The following RSU1 variants were observed in gnomAD, a reference collection of about 807,000 sequenced individuals.
The protein encoded by RSU1 is rsu-1.
In RSU1, 26 loss-of-function variants were observed where a neutral mutation model predicts 31.1. The observed-to-expected ratio is 0.84, with a 90% CI of 0.61 to 1.16. The LOEUF (loss-of-function observed/expected upper bound fraction) is 1.16, where lower values mean the gene tolerates loss of function less well. RSU1 is among the 50% of genes most tolerant of loss of function. The pLI is 0.00. For missense variants in RSU1, 320 were observed against 339.1 expected (o/e 0.94, Z 0.44); for synonymous variants, 164 against 136.3 (o/e 1.20, Z -1.41).
intron 8 of RSU1, among the ~76,000 whole-genome samples, chr10:16,664,942 T>C (rs901113627): frequency 3.9e-5 from 6 of 152,194 alleles, no homozygotes; most frequent in Non-Finnish European, 8.8e-5. Flanking sequence ...TTCTTTTTTC[T>C]TTCTTTCTTC....
rs190907963 is a variant in RSU1 at position 16,596,869 on chromosome 10, T to C, written c.732-3373A>G. ...TCCCAAGTAGCTGGAATTACAAGTG[T>C]GTACCACCATGCCTGCCTAATTTTT... is the stretch of plus-strand genomic sequence containing the variant. On this transcript the variant is annotated intron_variant, in intron 8 of 8. Coordinates refer to ENST00000345264, the MANE Select transcript of RSU1 (RefSeq NM_012425.4). Among the ~76,000 whole-genome samples the C allele has an allele frequency of 2.7e-3, 407 of 152,266 alleles. 1 individual carries two copies. The highest frequency in any genetic ancestry group is 4.6e-3 in the Non-Finnish European group (314 of 68,008).
intron 7 of RSU1, among the ~76,000 whole-genome samples, chr10:16,743,264 G>A (rs1039462405): frequency 4.6e-5 from 7 of 152,134 alleles, no homozygotes; most frequent in African/African-American, 1.7e-4. Flanking sequence ...ACATTGATGG[G>A]TATACCATTG....
At chr10:16,685,862 T>C (rs530931567) in intron 8 of RSU1, among the ~76,000 whole-genome samples, 2 of 151,554 alleles carry the variant, frequency 1.3e-5, no homozygotes, top group South Asian at 4.2e-4. Flanking sequence ...AAGTGGAAAA[T>C]AATATTTTAT....
intron 7 of RSU1, chr10:16,726,948 T>G: frequency 1.9e-5 from 8 of 414,472 alleles, no homozygotes; most frequent in South Asian, 1.4e-4. Flanking sequence ...ATAAACAAGA[T>G]GACAGATTCT....
chr10:16,798,127 G>T (rs1041055323), intron 2 of RSU1, among the ~76,000 whole-genome samples: 2 of 151,976 alleles, frequency 1.3e-5, no homozygotes, highest in Admixed American at 1.3e-4. Flanking sequence ...CTCCCAAAGT[G>T]CTGGGATTAT....
At chr10:16,649,463 A>G (rs1038691787) in intron 8 of RSU1, among the ~76,000 whole-genome samples, 4 of 152,238 alleles carry the variant, frequency 2.6e-5, no homozygotes, top group Non-Finnish European at 5.9e-5. Flanking sequence ...ACTCGAAATC[A>G]GACTACTAAA....
intron 2 of RSU1, among the ~76,000 whole-genome samples, chr10:16,808,001 T>A (rs1314922781): frequency 3.6e-5 from 5 of 138,234 alleles, no homozygotes; most frequent in Non-Finnish European, 6.1e-5. Context: ...CCAGCCTGGG[T>A]GACACAGCAA....
At chr10:16,725,212 T>C (rs1462634020) in intron 7 of RSU1, among the ~76,000 whole-genome samples, 4 of 152,108 alleles carry the variant, frequency 2.6e-5, no homozygotes, top group African/African-American at 9.7e-5. Flanking sequence ...AGAGAGAGAA[T>C]ATGAATAAAT....
intron 7 of RSU1, among the ~76,000 whole-genome samples, chr10:16,704,847 T>A (rs2131574749): frequency 6.6e-6 from 1 of 152,342 alleles, no homozygotes; most frequent in African/African-American, 2.4e-5. Flanking sequence ...TTTCCCCCAC[T>A]TTTTATTTGC....
At chr10:16,622,313 T>A (rs2131480514) in intron 8 of RSU1, among the ~76,000 whole-genome samples, 1 of 152,286 alleles carries the variant, frequency 6.6e-6, no homozygotes, top group South Asian at 2.1e-4. Context: ...AAAGCATAGA[T>A]CCACCATTTC....
intron 8 of RSU1, among the ~76,000 whole-genome samples, chr10:16,680,581 C>A (rs889532745): frequency 6.6e-6 from 1 of 152,020 alleles, no homozygotes; most frequent in African/African-American, 2.4e-5. Flanking sequence ...GGGGTGCAGG[C>A]ATGTCACGTG....
chr10:16,791,360 G>A (rs995837179), intron 2 of RSU1, among the ~76,000 whole-genome samples: 1 of 152,158 alleles, frequency 6.6e-6, no homozygotes, highest in Non-Finnish European at 1.5e-5. Flanking sequence ...CTGGGCAGGT[G>A]TGGTGGCTCA....
At chr10:16,802,301 A>G (rs1240965630) in intron 2 of RSU1, among the ~76,000 whole-genome samples, 1 of 152,088 alleles carries the variant, frequency 6.6e-6, no homozygotes, top group African/African-American at 2.4e-5. Context: ...AAACAACTCA[A>G]TGTCCAAAAA....
At chr10:16,767,176 T>C (rs1435466576) in intron 3 of RSU1, 1 of 152,182 alleles carries the variant, frequency 6.6e-6, no homozygotes, top group Non-Finnish European at 1.5e-5. Flanking sequence ...TAAGCCTTCA[T>C]CTGATTAGTT....
intron 8 of RSU1, among the ~76,000 whole-genome samples, chr10:16,679,828 T>G (rs893499814): frequency 6.7e-6 from 1 of 149,716 alleles, no homozygotes. Flanking sequence ...AAAGATACGG[T>G]GATGGAAAAA....
At chr10:16,620,910 C>T (rs1194362658) in intron 8 of RSU1, among the ~76,000 whole-genome samples, 1 of 151,876 alleles carries the variant, frequency 6.6e-6, no homozygotes, top group African/African-American at 2.4e-5. Flanking sequence ...TCCCTCTCTT[C>T]TTTCCATTTT....
intron 8 of RSU1, among the ~76,000 whole-genome samples, chr10:16,601,654 TCTGGCCC>T (rs1462058588): frequency 6.6e-6 from 1 of 152,206 alleles, no homozygotes; most frequent in African/African-American, 2.4e-5. Context: ...AACAGCAACC[TCTGGCCC>T]CTGGATGGGG....
rs564971691 is a variant in RSU1, at chr10:16,771,297, T to G, written c.161-6787A>C. ...CCCCAGCATTTGATGAATATGATAGTGAAAAACAAGTGTCCCCCTTTGGCC... is the reference window on the plus strand; with the variant it reads ...CCCCAGCATTTGATGAATATGATAGGGAAAAACAAGTGTCCCCCTTTGGCC... On this transcript the variant is annotated intron_variant, in intron 3 of 8. Coordinates refer to ENST00000345264, the MANE Select transcript of RSU1 (RefSeq NM_012425.4). Among the ~76,000 whole-genome samples the G allele has an allele frequency of 1.8e-4, 28 of 152,154 alleles. No individual in the cohort carries two copies. In the South Asian group the frequency reaches 5.4e-3, roughly 29 times the overall value.
intron 8 of RSU1, among the ~76,000 whole-genome samples, chr10:16,675,527 G>A (rs1166981261): frequency 6.6e-6 from 1 of 152,066 alleles, no homozygotes; most frequent in Non-Finnish European, 1.5e-5. Context: ...TTACACACTT[G>A]GCAGCCAATT....
Sources: allele counts gnomAD v4.1 joint callset (sites outside exome capture counted in the v4.1 genomes callset), GRCh38; gene constraint gnomAD v4.1.1; transcripts MANE v1.5; gene names NCBI Gene and HGNC (gene_info 2026-07-23, HGNC 2026-07-21).